The following NWD1 variants were observed in gnomAD, a reference collection of about 807,000 sequenced individuals.
The protein encoded by NWD1 is NACHT and WD repeat domain containing 1.
NWD1 carries 129 observed loss-of-function variants against 135.1 expected under a neutral mutation model. The ratio of observed to expected loss-of-function variants is 0.96; its 90% confidence interval spans 0.83 to 1.11. NWD1 has a LOEUF of 1.11. Among genes scored for constraint, NWD1 ranks in the 50% least tolerant of loss-of-function variants. The pLI, the probability that NWD1 is intolerant of heterozygous loss-of-function variation, is 0.00. For missense variants in NWD1, 1,740 were observed against 1,851.3 expected, an observed-to-expected ratio of 0.94 and a Z score of 1.10; for synonymous variants, 773 against 786.0, an observed-to-expected ratio of 0.98 and a Z score of 0.28.
intron 12 of NWD1, among the ~76,000 whole-genome samples, chr19:16,779,952 C>CT (rs1195963148): frequency 4.6e-5 from 7 of 152,226 alleles, no homozygotes; most frequent in African/African-American, 1.7e-4. Flanking sequence ...AGCTCACTTC[C>CT]TGTGCATTGG....
At chr19:16,739,184 T>C (rs1483141707) in intron 4 of NWD1, among the ~76,000 whole-genome samples, 5 of 85,400 alleles carry the variant, frequency 5.9e-5, no homozygotes, top group Admixed American at 1.9e-4. Context: ...TTTAATGAGT[T>C]TCCAAGAAAA....
chr19:16,737,042 C>T (rs991538716), intron 4 of NWD1, among the ~76,000 whole-genome samples: 9 of 152,026 alleles, frequency 5.9e-5, no homozygotes, highest in African/African-American at 2.2e-4. Flanking sequence ...CTTCCCCACC[C>T]CCTCCACTTT....
At chr19:16,791,965 C>T (rs1486869619) in intron 14 of NWD1, among the ~76,000 whole-genome samples, 2 of 152,084 alleles carry the variant, frequency 1.3e-5, no homozygotes, top group South Asian at 2.1e-4. Context: ...CTGCCCACCT[C>T]GGCCTCCCAG....
Position 16,764,762 on chromosome 19 carries a change from C to A in NWD1, c.2252-272C>A, listed in dbSNP as rs577542652. On this transcript the variant is annotated intron_variant, in intron 9 of 18. Transcript: ENST00000524140. ...CTTAACCAGAAGAGATTCTGCCCCC[C>A]CAGGGGACACTTGACAATGTCTGCA... 7.9e-5 allele frequency among the ~76,000 whole-genome samples: 12 copies of A among 152,260 alleles called. No individual in the cohort carries two copies. In the South Asian group the frequency reaches 2.5e-3, roughly 32 times the overall value.
At position 16,809,745 on chromosome 19, in the gene NWD1, G is replaced by T. The variant is rs528090864; in HGVS notation, c.4287+1609G>T. Reference sequence around the variant, plus strand: ...AATTTTTTTGTATTTTTTTGGTAGAGATGGGGTTTCACCGTGTTAGCCAGG... The same window carrying T: ...AATTTTTTTGTATTTTTTTGGTAGATATGGGGTTTCACCGTGTTAGCCAGG... On this transcript the variant is annotated intron_variant, in intron 18 of 18. Coordinates refer to ENST00000524140, the MANE Select transcript of NWD1 (RefSeq NM_001007525.5). Among the ~76,000 whole-genome samples the T allele has an allele frequency of 7.9e-5, 12 of 151,720 alleles. No homozygotes were observed. The South Asian group carries it at 2.5e-3, about 32-fold the overall frequency.
At chr19:16,814,141 C>G (rs142734109) in intron 18 of NWD1, among the ~76,000 whole-genome samples, 1 of 152,086 alleles carries the variant, frequency 6.6e-6, no homozygotes, top group East Asian at 1.9e-4. Context: ...GCCTGGGCAA[C>G]AGAGTGAGAC....
chr19:16,775,909 C>T (rs1599507937), intron 11 of NWD1, among the ~76,000 whole-genome samples: 2 of 152,122 alleles, frequency 1.3e-5, no homozygotes, highest in African/African-American at 2.4e-5. Flanking sequence ...CTCAGGTGAT[C>T]GCCTACCTTG....
intron 3 of NWD1, among the ~76,000 whole-genome samples, chr19:16,731,589 G>A (rs1274570244): frequency 1.4e-5 from 2 of 146,488 alleles, no homozygotes; most frequent in South Asian, 2.1e-4. Context: ...ACAGGCGTGA[G>A]CCACTGAGCC....
intron 2 of NWD1, among the ~76,000 whole-genome samples, chr19:16,726,631 G>C (rs1031172172): frequency 4.0e-5 from 6 of 151,876 alleles, no homozygotes; most frequent in African/African-American, 1.5e-4. Context: ...ATAGAGACAG[G>C]GTTTCACCAT....
At chr19:16,745,780 A>G (rs1333433613) in intron 5 of NWD1, among the ~76,000 whole-genome samples, 1 of 145,814 alleles carries the variant, frequency 6.9e-6, no homozygotes, top group African/African-American at 2.6e-5. Context: ...AGCTAGGTAT[A>G]GTGGTGCATG....
chr19:16,738,680 G>C (rs1416329646), intron 4 of NWD1, among the ~76,000 whole-genome samples: 1 of 145,690 alleles, frequency 6.9e-6, no homozygotes, highest in Non-Finnish European at 1.5e-5. Context: ...TGTAACAAGG[G>C]CTTTGGGAAT....
intron 3 of NWD1, among the ~76,000 whole-genome samples, chr19:16,736,160 C>G (rs771759901): frequency 6.6e-6 from 1 of 151,686 alleles, no homozygotes; most frequent in Non-Finnish European, 1.5e-5. Flanking sequence ...TTTCTCATGA[C>G]CTTGGCAGTC....
chr19:16,733,061 A>G (rs1283253082), intron 3 of NWD1, among the ~76,000 whole-genome samples: 1 of 151,830 alleles, frequency 6.6e-6, no homozygotes, highest in Non-Finnish European at 1.5e-5. Flanking sequence ...GTCTCTATAA[A>G]ATTAAAAAAA....
intron 7 of NWD1, among the ~76,000 whole-genome samples, chr19:16,760,014 G>C (rs1202332884): frequency 6.6e-6 from 1 of 151,104 alleles, no homozygotes; most frequent in Non-Finnish European, 1.5e-5. Context: ...AATTAGCTGG[G>C]TGTGATGGTA....
chr19:16,803,755 TAAA>T (rs756016333), intron 17 of NWD1, among the ~76,000 whole-genome samples: 13 of 128,446 alleles, frequency 1.0e-4, no homozygotes, highest in Middle Eastern at 4.0e-3. Context: ...CAACTCTACT[TAAA>T]AAAAAAAAAA....
chr19:16,726,244 G>A (rs1295334288), intron 2 of NWD1, among the ~76,000 whole-genome samples: 2 of 152,030 alleles, frequency 1.3e-5, no homozygotes, highest in African/African-American at 2.4e-5. Context: ...TTACAGGCGT[G>A]AGCCACAGCT....
At chr19:16,784,237 C>T (rs1342207537) in intron 12 of NWD1, among the ~76,000 whole-genome samples, 1 of 151,394 alleles carries the variant, frequency 6.6e-6, no homozygotes, top group African/African-American at 2.4e-5. Context: ...ATTAAGTATA[C>T]AGGAGCACCT....
intron 6 of NWD1, 44 bp from the exon 7 acceptor site, chr19:16,759,181 A>G (rs1968912012): frequency 1.3e-6 from 2 of 1,511,210 alleles, no homozygotes; most frequent in Admixed American, 3.3e-5. Context: ...CCAAATGCAG[A>G]AGACATGAGA....
intron 10 of NWD1, among the ~76,000 whole-genome samples, chr19:16,766,016 C>CAAAAAAAA (rs35265751): frequency 8.7e-5 from 8 of 91,704 alleles, no homozygotes; most frequent in Non-Finnish European, 1.5e-4. Flanking sequence ...GACTCCGTCT[C>CAAAAAAAA]AAAAAAAAAA....
Sources: allele counts gnomAD v4.1 joint callset (sites outside exome capture counted in the v4.1 genomes callset), GRCh38; gene constraint gnomAD v4.1.1; transcripts MANE v1.5; gene names NCBI Gene and HGNC (gene_info 2026-07-23, HGNC 2026-07-21).